The following F13A1 variants were observed in gnomAD, a reference collection of about 807,000 sequenced individuals.
F13A1 encodes coagulation factor XIII A chain.
Under a neutral mutation model 80.1 loss-of-function variants are expected in F13A1, and 47 were observed. That is an observed-to-expected ratio of 0.59 (90% CI 0.46 to 0.75). F13A1 has a LOEUF of 0.75. F13A1 is among the 30% of genes least tolerant of loss of function. F13A1 has a pLI of 0.00. For synonymous variants in F13A1, 349 were observed against 344.9 expected, an observed-to-expected ratio of 1.01 and a Z score of -0.13; for missense variants, 817 against 930.4, an observed-to-expected ratio of 0.88 and a Z score of 1.59.
intron 2 of F13A1, among the ~76,000 whole-genome samples, chr6:6,311,962 G>A (rs569467499): frequency 6.8e-6 from 1 of 146,282 alleles, no homozygotes; most frequent in Non-Finnish European, 1.5e-5. Context: ...TGTATATATT[G>A]TTTACATATT....
At chr6:6,251,162 A>C (rs1429884068) in intron 4 of F13A1, among the ~76,000 whole-genome samples, 7 of 152,212 alleles carry the variant, frequency 4.6e-5, no homozygotes, top group Non-Finnish European at 1.0e-4. Context: ...AATGCTGACG[A>C]ACTCTGGCTC....
At chr6:6,315,120 G>A (rs1273720175) in intron 2 of F13A1, among the ~76,000 whole-genome samples, 8 of 152,126 alleles carry the variant, frequency 5.3e-5, no homozygotes, top group Non-Finnish European at 8.8e-5. Flanking sequence ...ACAAATGGTC[G>A]CCTATTGTTA....
At position 6,145,023 on chromosome 6, in the gene F13A1, C is replaced by A. The variant is rs1284511772; in HGVS notation, c.*596G>T. On this transcript the variant is annotated 3_prime_UTR_variant, in exon 15 of 15. Transcript: ENST00000264870. ...ATGCAATTTGTTAATATGGGGCCAC[C>A]TCTTCTAACAAGGTAAATCTAAAAT... is the stretch of plus-strand genomic sequence containing the variant. 1.9e-5 allele frequency: 3 copies of A among 157,360 alleles called. No homozygotes were observed. Among genetic ancestry groups the A allele is most frequent in the Non-Finnish European group, 4.2e-5 (3 of 71,096 alleles). 9.7% of individuals were successfully genotyped at this position (157,360 alleles called of 1,614,324 possible). A position where few individuals can be genotyped will look rare whatever the true frequency, so the allele number is the denominator to read the frequency against.
At chr6:6,264,379 A>G (rs1757816403) in intron 4 of F13A1, among the ~76,000 whole-genome samples, 2 of 152,206 alleles carry the variant, frequency 1.3e-5, no homozygotes, top group South Asian at 4.1e-4. Context: ...TTTTTGTAAT[A>G]AAAAGAAAGT....
chr6:6,168,042 G>A (rs1760708725), intron 12 of F13A1, among the ~76,000 whole-genome samples: 1 of 152,136 alleles, frequency 6.6e-6, no homozygotes, highest in Admixed American at 6.5e-5. Flanking sequence ...CAAATAAGAA[G>A]TGTCTCACCT....
intron 4 of F13A1, among the ~76,000 whole-genome samples, chr6:6,256,753 C>G (rs1301922616): frequency 6.6e-6 from 1 of 152,090 alleles, no homozygotes; most frequent in Admixed American, 6.5e-5. Context: ...ATTTTAGTAT[C>G]TGTATAACCT....
intron 7 of F13A1, among the ~76,000 whole-genome samples, chr6:6,224,394 T>G (rs968162769): frequency 3.3e-5 from 5 of 152,152 alleles, no homozygotes; most frequent in African/African-American, 1.2e-4. Flanking sequence ...AGAAAATGGC[T>G]TTTTTCTCTA....
intron 3 of F13A1, among the ~76,000 whole-genome samples, chr6:6,268,682 C>A (rs942377687): frequency 1.4e-5 from 2 of 148,064 alleles, no homozygotes; most frequent in African/African-American, 2.5e-5. Flanking sequence ...GCTGAGGGGG[C>A]ACTCATTTTT....
chr6:6,182,147 A>G lies in F13A1; in HGVS notation c.1306-6T>C. 4.3e-6 allele frequency: 7 copies of G among 1,613,906 alleles called. No individual in the cohort carries two copies. The highest frequency in any genetic ancestry group is 5.9e-6 in the Non-Finnish European group (7 of 1,179,978). ...TAAATGAGGTCGCTGTTGACCTGGA[A>G]ACAGGAGAGGAGAGCATTAGCCATC... is the stretch of plus-strand genomic sequence containing the variant. On this transcript the variant is annotated splice_region_variant and splice_polypyrimidine_tract_variant and intron_variant, in intron 10 of 14. Coordinates refer to ENST00000264870, the MANE Select transcript of F13A1 (RefSeq NM_000129.4).
intron 14 of F13A1, among the ~76,000 whole-genome samples, chr6:6,148,250 G>A (rs79308214): frequency 0.048 from 7,269 of 152,292 alleles, 237 homozygotes; most frequent in Non-Finnish European, 0.071. Context: ...GAGACAGGCC[G>A]GAGGCAGTGG....
Position 6,261,457 on chromosome 6 carries a change from C to T in F13A1, c.571+5101G>A, listed in dbSNP as rs115824024. The stretch of plus-strand genomic sequence containing the variant: ...CGTGATTATTATGAAACCAGTGGTC[C>T]GCTAAGTGTTGACCCCGACCAGCAG... On this transcript the variant is annotated intron_variant, in intron 4 of 14. Coordinates refer to ENST00000264870, the MANE Select transcript of F13A1 (RefSeq NM_000129.4). 5.8e-3 allele frequency among the ~76,000 whole-genome samples: 885 copies of T among 152,300 alleles called. 8 individuals carry two copies. Among genetic ancestry groups the T allele is most frequent in the African/African-American group, 0.02 (839 of 41,550 alleles).
Position 6,197,218 on chromosome 6 carries a change from T to A in F13A1, c.1216+5A>T. On this transcript the variant is annotated splice_donor_5th_base_variant and intron_variant, in intron 9 of 14. Coordinates refer to ENST00000264870, the MANE Select transcript of F13A1 (RefSeq NM_000129.4). The stretch of plus-strand genomic sequence containing the variant: ...CAAGTTCCCAGAGGGAGGACACAGT[T>A]TTACCATCGCTATTTTCCTGGGGGG... 14 of 1,613,742 alleles carry A rather than the reference T, an allele frequency of 8.7e-6. No homozygotes were observed. Among genetic ancestry groups the A allele is most frequent in the Non-Finnish European group, 1.2e-5 (14 of 1,179,696 alleles).
chr6:6,223,931 G>A lies in F13A1; in HGVS notation c.973+755C>T, dbSNP rs138443691. Among the ~76,000 whole-genome samples, 301 of 152,262 alleles carry A rather than the reference G, an allele frequency of 2.0e-3. 3 individuals are homozygous for A. Among genetic ancestry groups the A allele is most frequent in the African/African-American group, 7.0e-3 (292 of 41,548 alleles). On this transcript the variant is annotated intron_variant, in intron 7 of 14. Transcript: ENST00000264870. The stretch of plus-strand genomic sequence containing the variant: ...GACTTGTGAATGAAAATCATTACCA[G>A]TGATGAAGACATACTGAAATAAATG...
At chr6:6,290,623 A>T (rs1758210020) in intron 3 of F13A1, among the ~76,000 whole-genome samples, 1 of 152,210 alleles carries the variant, frequency 6.6e-6, no homozygotes, top group Non-Finnish European at 1.5e-5. Flanking sequence ...TGATGATGGA[A>T]CTTTTTTCCC....
At chr6:6,265,715 T>G (rs139120562) in intron 4 of F13A1, among the ~76,000 whole-genome samples, 10 of 152,364 alleles carry the variant, frequency 6.6e-5, no homozygotes, top group African/African-American at 2.4e-4. Context: ...GCACCCACTA[T>G]GCACATAAAC....
chr6:6,256,650 T>A (rs139313213), intron 4 of F13A1, among the ~76,000 whole-genome samples: 8 of 152,220 alleles, frequency 5.3e-5, no homozygotes, highest in Non-Finnish European at 1.2e-4. Flanking sequence ...TTGGGGTGGA[T>A]TTCAGTCACC....
At chr6:6,215,195 C>T (rs1486716007) in intron 8 of F13A1, among the ~76,000 whole-genome samples, 1 of 132,608 alleles carries the variant, frequency 7.5e-6, no homozygotes, top group African/African-American at 2.7e-5. Context: ...CCAGCATCAT[C>T]CTGATACCAA....
chr6:6,150,132 G>A (rs3778360), intron 14 of F13A1, among the ~76,000 whole-genome samples: 78,749 of 151,914 alleles, frequency 0.52, 21,455 homozygotes, highest in African/African-American at 0.71. Context: ...AGAAGTTTCC[G>A]GTACACTCAG....
intron 8 of F13A1, chr6:6,206,685 T>G (rs1421409282): frequency 2.5e-6 from 1 of 404,136 alleles, no homozygotes; most frequent in Non-Finnish European, 5.1e-6. Flanking sequence ...TAAGCAAATA[T>G]TTTTTACATT....
Sources: allele counts gnomAD v4.1 joint callset (sites outside exome capture counted in the v4.1 genomes callset), GRCh38; gene constraint gnomAD v4.1.1; transcripts MANE v1.5; gene names NCBI Gene and HGNC (gene_info 2026-07-23, HGNC 2026-07-21).